The following PAPPA2 variants were observed in gnomAD, a reference collection of about 807,000 sequenced individuals.
PAPPA2 encodes pappalysin 2, also known as pappalysin-2.
In PAPPA2, 86 loss-of-function variants were observed where a neutral mutation model predicts 176.4. That is an observed-to-expected ratio of 0.49 (90% confidence interval 0.41 to 0.58). The LOEUF is 0.58. Ranked by LOEUF, PAPPA2 falls within the 20% of genes least tolerant of loss-of-function variation. The pLI is 0.00. For synonymous variants in PAPPA2, 809 were observed against 852.2 expected, an observed-to-expected ratio of 0.95 and a Z score of 0.88; for missense variants, 2,073 against 2,256.9, an observed-to-expected ratio of 0.92 and a Z score of 1.65.
intron 14 of PAPPA2, among the ~76,000 whole-genome samples, chr1:176,761,531 A>C (rs887815857): frequency 6.6e-5 from 10 of 152,240 alleles, no homozygotes; most frequent in African/African-American, 2.4e-4. Context: ...ACTGCTATTT[A>C]AAAGAGAACT....
intron 1 of PAPPA2, among the ~76,000 whole-genome samples, chr1:176,498,751 C>CACA (rs762510082): frequency 6.2e-5 from 7 of 112,098 alleles, no homozygotes; most frequent in East Asian, 2.6e-4. Flanking sequence ...CTCTTACCTC[C>CACA]AAAAAAAAAA....
At chr1:176,706,515 C>T (rs1341075184) in intron 10 of PAPPA2, 65 bp downstream of exon 10, 2 of 1,363,274 alleles carry the variant, frequency 1.5e-6, no homozygotes, top group African/African-American at 1.4e-5. Context: ...TTTGTGAGTT[C>T]TTGATATCCT....
intron 17 of PAPPA2, among the ~76,000 whole-genome samples, chr1:176,771,481 C>G (rs1664222879): frequency 6.6e-6 from 1 of 152,140 alleles, no homozygotes; most frequent in African/African-American, 2.4e-5. Context: ...CTCATCAGTC[C>G]AGTTTACAAT....
intron 9 of PAPPA2, among the ~76,000 whole-genome samples, chr1:176,704,543 C>T (rs1298570655): frequency 6.6e-6 from 1 of 151,998 alleles, no homozygotes; most frequent in Admixed American, 6.6e-5. Context: ...GCTCTTTTTG[C>T]CTTTAAAATA....
chr1:176,789,303 C>G (rs1478828462), intron 17 of PAPPA2, among the ~76,000 whole-genome samples: 1 of 148,374 alleles, frequency 6.7e-6, no homozygotes, highest in Non-Finnish European at 1.5e-5. Context: ...ATCGCAAGGA[C>G]AAAAAACCAA....
At chr1:176,661,307 C>G (rs1411778100) in intron 3 of PAPPA2, among the ~76,000 whole-genome samples, 1 of 151,858 alleles carries the variant, frequency 6.6e-6, no homozygotes, top group African/African-American at 2.4e-5. Context: ...TGAGTTGCCT[C>G]CAAAATCTTT....
At chr1:176,769,495 G>T (rs1664121953) in intron 15 of PAPPA2, 112 bp from the exon 16 acceptor site, 2 of 1,142,548 alleles carry the variant, frequency 1.8e-6, no homozygotes, top group Non-Finnish European at 2.5e-6. Context: ...AAAATAATTT[G>T]TCCCGTTTTA....
intron 14 of PAPPA2, among the ~76,000 whole-genome samples, chr1:176,759,498 T>G (rs1337743191): frequency 2.6e-5 from 4 of 152,142 alleles, no homozygotes; most frequent in African/African-American, 4.8e-5. Flanking sequence ...AAAAAATTAT[T>G]TTAGTACTGA....
intron 2 of PAPPA2, among the ~76,000 whole-genome samples, chr1:176,561,107 A>G (rs960004972): frequency 6.6e-6 from 1 of 152,256 alleles, no homozygotes. Context: ...CTGGCAACAG[A>G]TTCCATCTCT....
chr1:176,664,170 T>A (rs1330862460), intron 3 of PAPPA2, among the ~76,000 whole-genome samples: 1 of 152,216 alleles, frequency 6.6e-6, no homozygotes, highest in Non-Finnish European at 1.5e-5. Flanking sequence ...CTTGCTGTAA[T>A]AAGTTATTGC....
intron 4 of PAPPA2, among the ~76,000 whole-genome samples, chr1:176,687,966 G>A (rs1437182597): frequency 6.6e-6 from 1 of 152,094 alleles, no homozygotes; most frequent in Admixed American, 6.6e-5. Context: ...ATGGTGTGCT[G>A]CATTTTCCTC....
intron 3 of PAPPA2, among the ~76,000 whole-genome samples, chr1:176,661,128 G>A (rs568643384): frequency 3.0e-4 from 46 of 152,040 alleles, no homozygotes; most frequent in East Asian, 1.9e-3. Context: ...TCTCTTTGTC[G>A]CATTATTCTT....
chr1:176,514,131 T>C (rs989166907), intron 1 of PAPPA2, among the ~76,000 whole-genome samples: 3 of 152,164 alleles, frequency 2.0e-5, no homozygotes, highest in African/African-American at 7.2e-5. Flanking sequence ...TTTAATTGGC[T>C]CACAGTTCTG....
At chr1:176,684,004 C>G (rs185658205) in intron 4 of PAPPA2, among the ~76,000 whole-genome samples, 1 of 151,914 alleles carries the variant, frequency 6.6e-6, no homozygotes, top group Admixed American at 6.6e-5. Flanking sequence ...TGGTAGTGGT[C>G]GTGTTGGTAG....
intron 1 of PAPPA2, among the ~76,000 whole-genome samples, chr1:176,550,982 CAG>C (rs1650914033): frequency 6.6e-6 from 1 of 152,216 alleles, no homozygotes; most frequent in African/African-American, 2.4e-5. Context: ...CAGGTGAAGA[CAG>C]TGCGTAGCCA....
intron 19 of PAPPA2, among the ~76,000 whole-genome samples, chr1:176,792,734 A>G (rs1665238495): frequency 6.6e-6 from 1 of 152,134 alleles, no homozygotes; most frequent in South Asian, 2.1e-4. Context: ...AAAAATAAAT[A>G]AATAAATAAG....
chr1:176,573,077 A>G (rs1414917830), intron 2 of PAPPA2, among the ~76,000 whole-genome samples: 1 of 152,134 alleles, frequency 6.6e-6, no homozygotes, highest in Non-Finnish European at 1.5e-5. Flanking sequence ...AGAAGTGCTG[A>G]GGCATCCTGT....
At chr1:176,695,962 G>GTGTT in intron 7 of PAPPA2, 103 bp downstream of exon 7, 2 of 1,287,144 alleles carry the variant, frequency 1.6e-6, no homozygotes, top group Non-Finnish European at 2.2e-6. Flanking sequence ...GGCAATGTAT[G>GTGTT]TGTATGTGTG....
At chr1:176,658,870 A>T (rs1478646851) in intron 3 of PAPPA2, among the ~76,000 whole-genome samples, 1 of 152,086 alleles carries the variant, frequency 6.6e-6, no homozygotes, top group Non-Finnish European at 1.5e-5. Flanking sequence ...AATGGATGTG[A>T]TATTAGAGGC....
Sources: allele counts gnomAD v4.1 joint callset (sites outside exome capture counted in the v4.1 genomes callset), GRCh38; gene constraint gnomAD v4.1.1; transcripts MANE v1.5; gene names NCBI Gene and HGNC (gene_info 2026-07-23, HGNC 2026-07-21).